ZNF33B: variants seen among roughly 807,000 people sequenced by gnomAD.
ZNF33B encodes zinc finger protein 11b (KOX 2).
ZNF33B carries 29 observed loss-of-function variants against 45.8 expected under a neutral mutation model. The ratio of observed to expected loss-of-function variants is 0.63; its 90% confidence interval spans 0.47 to 0.86. The LOEUF (loss-of-function observed/expected upper bound fraction) is 0.86, where lower values mean the gene tolerates loss of function less well. Among genes scored for constraint, ZNF33B ranks in the 40% least tolerant of loss-of-function variants. ZNF33B has a pLI of 0.00. For missense variants in ZNF33B, 831 were observed against 909.9 expected (o/e 0.91, Z 1.12); for synonymous variants, 305 against 307.8 (o/e 0.99, Z 0.10).
At chr10:42,579,661 C>T (rs1836797340) in intron 1 of ZNF33B, 1 of 152,640 alleles carries the variant, frequency 6.6e-6, no homozygotes, top group Admixed American at 6.5e-5. Flanking sequence ...AGATGTGAAT[C>T]CACAACAAAT....
At chr10:42,583,341 TGGCAAAACAAACA>T (rs1836861509) in intron 1 of ZNF33B, 1 of 403,896 alleles carries the variant, frequency 2.5e-6, no homozygotes, top group Non-Finnish European at 4.7e-6. Flanking sequence ...AAGGAAGAGC[TGGCAAAACAAACA>T]GGCATTCCAG....
intron 4 of ZNF33B, among the ~76,000 whole-genome samples, chr10:42,614,977 A>C (rs953682935): frequency 7.2e-5 from 11 of 152,168 alleles, no homozygotes; most frequent in African/African-American, 2.7e-4. Context: ...AAAGACATTC[A>C]ACATCATTAG....
rs768298493 is a variant in ZNF33B, at chr10:42,593,846, C to T, written c.1104G>A (p.Glu368=). 1.9e-6 allele frequency: 3 copies of T among 1,613,978 alleles called. No individual in the cohort carries two copies. Among genetic ancestry groups the T allele is most frequent in the Non-Finnish European group, 2.5e-6 (3 of 1,179,980 alleles). The part of the protein sequence containing the change: ...QCNQCGKTFW[E]KSNLTKHQRS... ...TCTGATGTTTAGTGAGGTTTGACTT[C>T]TCCCAGAAAGTTTTTCCACATTGAT... The change falls in exon 5 of 5, where the codon GAG becomes GAA. Residue 368 remains glutamate (E), a synonymous_variant. Coordinates refer to ENST00000359467, the MANE Select transcript of ZNF33B (RefSeq NM_006955.3).
intron 4 of ZNF33B, among the ~76,000 whole-genome samples, chr10:42,611,202 G>A (rs192296804): frequency 3.5e-4 from 53 of 152,154 alleles, no homozygotes; most frequent in African/African-American, 1.2e-3. Context: ...TTAGCCAAGT[G>A]TGGTGGCACA....
At chr10:42,583,706 T>C (rs1228474461) in intron 1 of ZNF33B, among the ~76,000 whole-genome samples, 1 of 152,158 alleles carries the variant, frequency 6.6e-6, no homozygotes, top group Non-Finnish European at 1.5e-5. Flanking sequence ...GTGGCATCCA[T>C]TCACGGGCCA....
chr10:42,580,850 C>T (rs141727648), intron 1 of ZNF33B, among the ~76,000 whole-genome samples: 8 of 151,330 alleles, frequency 5.3e-5, no homozygotes, highest in Non-Finnish European at 8.8e-5. Flanking sequence ...GCTAAGATCG[C>T]GCCACTGCAC....
chr10:42,612,226 GAAGTT>G (rs201475616), intron 4 of ZNF33B, among the ~76,000 whole-genome samples: 29 of 132,580 alleles, frequency 2.2e-4, no homozygotes, highest in Admixed American at 1.6e-3. Context: ...GCAGGTTACA[GAAGTT>G]GATTTTTTTT....
intron 1 of ZNF33B, chr10:42,582,423 T>C (rs534588601): frequency 6.6e-6 from 1 of 152,100 alleles, no homozygotes; most frequent in South Asian, 2.1e-4. Context: ...CCAAGGAAAG[T>C]CAGTCAGTCC....
chr10:42,627,024 A>G (rs1838840185), intron 4 of ZNF33B, among the ~76,000 whole-genome samples: 1 of 145,498 alleles, frequency 6.9e-6, no homozygotes, highest in African/African-American at 2.7e-5. Flanking sequence ...TTTTTTGGAG[A>G]CAGAGTTTTG....
Position 42,592,307 on chromosome 10 carries a change from A to C in ZNF33B, c.*306T>G, listed in dbSNP as rs765699560. Reference sequence around the variant, plus strand: ...TTCTTAAATTGACAATTTTCTCCTCAGTGTAAATGCTAACATAATCCTATT... The same window carrying C: ...TTCTTAAATTGACAATTTTCTCCTCCGTGTAAATGCTAACATAATCCTATT... On this transcript the variant is annotated 3_prime_UTR_variant, in exon 5 of 5. Transcript: ENST00000359467. 31 of 542,062 alleles carry C rather than the reference A, an allele frequency of 5.7e-5. No homozygotes were observed. The highest frequency in any genetic ancestry group is 7.6e-5 in the Non-Finnish European group (29 of 381,070). 33.6% of individuals were successfully genotyped at this position (542,062 alleles called of 1,614,324 possible). A position where few individuals can be genotyped will look rare whatever the true frequency, so the allele number is the denominator to read the frequency against.
intron 4 of ZNF33B, among the ~76,000 whole-genome samples, chr10:42,611,922 A>G (rs1838114411): frequency 6.6e-6 from 1 of 152,144 alleles, no homozygotes; most frequent in African/African-American, 2.4e-5. Context: ...TTCCTTTCCC[A>G]TCTGTATGCC....
intron 4 of ZNF33B, among the ~76,000 whole-genome samples, chr10:42,628,013 A>G (rs1213673192): frequency 6.6e-5 from 10 of 152,020 alleles, no homozygotes; most frequent in Non-Finnish European, 1.5e-4. Flanking sequence ...GTTGTTGGGC[A>G]CTATTCTTTT....
At chr10:42,612,238 T>TA (rs1453598605) in intron 4 of ZNF33B, among the ~76,000 whole-genome samples, 5 of 148,132 alleles carry the variant, frequency 3.4e-5, no homozygotes, top group African/African-American at 1.0e-4. Context: ...AGTTGATTTT[T>TA]TTTTTTTTTT....
chr10:42,632,166 T>C (rs932913302), intron 3 of ZNF33B, 129 bp downstream of exon 3: 1 of 1,483,980 alleles, frequency 6.7e-7, no homozygotes, highest in East Asian at 2.3e-5. Context: ...CTTCTGGTGC[T>C]CAATCAACAC....
intron 4 of ZNF33B, among the ~76,000 whole-genome samples, chr10:42,625,615 T>C (rs959677920): frequency 1.3e-5 from 2 of 152,190 alleles, no homozygotes; most frequent in Non-Finnish European, 2.9e-5. Flanking sequence ...CTGGGATTAC[T>C]GGCATGCGCC....
chr10:42,632,098 C>A (rs1839087312), intron 3 of ZNF33B, 74 bp from the exon 4 acceptor site: 1 of 1,533,524 alleles, frequency 6.5e-7, no homozygotes, highest in Non-Finnish European at 9.0e-7. Context: ...GAAGAAGCTT[C>A]TGGGGCTGCT....
Position 42,635,926 on chromosome 10 carries a change from C to T in ZNF33B, c.9+994G>A, listed in dbSNP as rs188410534. 1.9e-3 allele frequency among the ~76,000 whole-genome samples: 285 copies of T among 151,286 alleles called. 2 individuals are homozygous for T. Among genetic ancestry groups the T allele is most frequent in the African/African-American group, 6.4e-3 (262 of 41,186 alleles). ...AGGGCAGATCACGACGTCAAGATAT[C>T]GAGATCATCCTGGCCAACATGGTGA... is the stretch of plus-strand genomic sequence containing the variant. On this transcript the variant is annotated intron_variant, in intron 2 of 4. Coordinates refer to ENST00000359467, the MANE Select transcript of ZNF33B (RefSeq NM_006955.3).
intron 4 of ZNF33B, among the ~76,000 whole-genome samples, chr10:42,623,640 A>C (rs1390673722): frequency 6.6e-6 from 1 of 152,226 alleles, no homozygotes; most frequent in African/African-American, 2.4e-5. Flanking sequence ...TCACAGAGAC[A>C]AACTAGATAA....
chr10:42,606,962 T>C (rs1240732572), intron 4 of ZNF33B, among the ~76,000 whole-genome samples: 1 of 152,202 alleles, frequency 6.6e-6, no homozygotes, highest in Non-Finnish European at 1.5e-5. Context: ...TCCAGAAATC[T>C]AAAATCTGAA....
Sources: allele counts gnomAD v4.1 joint callset (sites outside exome capture counted in the v4.1 genomes callset), GRCh38; gene constraint gnomAD v4.1.1; transcripts MANE v1.5; gene names NCBI Gene and HGNC (gene_info 2026-07-23, HGNC 2026-07-21).